RAB3C: variants seen among roughly 807,000 people sequenced by gnomAD.
RAB3C encodes ras-related protein Rab-3C.
A neutral mutation model predicts 26.4 loss-of-function variants in RAB3C; 17 were observed. The observed-to-expected ratio is 0.64, with a 90% confidence interval of 0.44 to 0.97. The LOEUF (loss-of-function observed/expected upper bound fraction) is 0.97, where lower values mean the gene tolerates loss of function less well. RAB3C is among the 50% of genes least tolerant of loss of function. The pLI is 0.00. For synonymous variants in RAB3C, 91 were observed against 95.9 expected, an observed-to-expected ratio of 0.95 and a Z score of 0.30; for missense variants, 242 against 281.9, an observed-to-expected ratio of 0.86 and a Z score of 1.01.
chr5:58,688,853 G>A (rs72760288), intron 2 of RAB3C, among the ~76,000 whole-genome samples: 11,046 of 152,162 alleles, frequency 0.073, 551 homozygotes, highest in Admixed American at 0.11. Flanking sequence ...CGTGATTTCT[G>A]TGAAGTCAAA....
In RAB3C at chr5:58,826,119, G is replaced by T. The variant is rs1004576779; in HGVS notation, c.496+957G>T. On this transcript the variant is annotated intron_variant, in intron 4 of 4. Coordinates refer to ENST00000282878, the MANE Select transcript of RAB3C (RefSeq NM_138453.4). ...AAGGGGAAAAACATTGCCGGAAGGA[G>T]ATGTAGGAGTGGAGTGTGATGGGAG... is the stretch of plus-strand genomic sequence containing the variant. Among the ~76,000 whole-genome samples the T allele has an allele frequency of 2.0e-5, 3 of 152,100 alleles. No individual in the cohort carries two copies. In the East Asian group the frequency reaches 5.8e-4, roughly 29 times the overall value.
At chr5:58,685,223 G>T (rs948099466) in intron 2 of RAB3C, among the ~76,000 whole-genome samples, 1 of 152,078 alleles carries the variant, frequency 6.6e-6, no homozygotes, top group Admixed American at 6.6e-5. Flanking sequence ...ATTTCCCTCA[G>T]ATAAGGGACA....
intron 3 of RAB3C, among the ~76,000 whole-genome samples, chr5:58,776,999 G>A (rs1215331423): frequency 2.0e-5 from 3 of 152,146 alleles, no homozygotes; most frequent in Admixed American, 1.3e-4. Context: ...AGAAAGAAAA[G>A]AAGAAATAAG....
intron 2 of RAB3C, among the ~76,000 whole-genome samples, chr5:58,695,849 A>G (rs906425680): frequency 2.6e-5 from 4 of 152,216 alleles, no homozygotes; most frequent in Non-Finnish European, 5.9e-5. Context: ...TTCTAAATAT[A>G]TAATCATGTC....
rs138383525 is a variant in RAB3C, at chr5:58,829,932, C to T, written c.496+4770C>T. ...CTGACAAATATCTATAATAATACTG[C>T]GGAGTCATAAAACGTGTATCTTCCC... On this transcript the variant is annotated intron_variant, in intron 4 of 4. Transcript: ENST00000282878. Among the ~76,000 whole-genome samples the T allele has an allele frequency of 4.4e-3, 668 of 152,164 alleles. 5 individuals are homozygous for T. The highest frequency in any genetic ancestry group is 0.015 in the African/African-American group (617 of 41,508).
chr5:58,614,481 A>C (rs1442808328), intron 1 of RAB3C, among the ~76,000 whole-genome samples: 5 of 111,852 alleles, frequency 4.5e-5, no homozygotes, highest in African/African-American at 1.2e-4. Context: ...GAAATAGTAC[A>C]AAAAAAAACC....
chr5:58,640,549 T>C (rs1012143792), intron 2 of RAB3C, among the ~76,000 whole-genome samples: 1 of 152,198 alleles, frequency 6.6e-6, no homozygotes, highest in Non-Finnish European at 1.5e-5. Context: ...TGAGCCAACA[T>C]ACTGTGAGGA....
intron 2 of RAB3C, among the ~76,000 whole-genome samples, chr5:58,619,277 T>C (rs1031925928): frequency 6.6e-6 from 1 of 152,184 alleles, no homozygotes. Flanking sequence ...GCCATTTTTA[T>C]TGGGAGTGTT....
At chr5:58,737,127 A>G (rs149603620) in intron 3 of RAB3C, among the ~76,000 whole-genome samples, 100 of 152,000 alleles carry the variant, frequency 6.6e-4, no homozygotes, top group African/African-American at 2.3e-3. Context: ...AAGTTTAGCC[A>G]CACCGGCTTC....
intron 1 of RAB3C, among the ~76,000 whole-genome samples, chr5:58,596,932 T>G (rs1746294515): frequency 1.0e-5 from 1 of 95,352 alleles, no homozygotes; most frequent in African/African-American, 4.4e-5. Context: ...ATATATTATA[T>G]ATAAATATAT....
At position 58,615,598 on chromosome 5, in the gene RAB3C, T is replaced by C. The variant is rs543413771; in HGVS notation, c.25-2045T>C. 3.4e-4 allele frequency among the ~76,000 whole-genome samples: 51 copies of C among 152,234 alleles called. No individual in the cohort carries two copies. The South Asian group carries it at 1.0e-2, about 30-fold the overall frequency. ...ACTTTTGCCCTTTGGCCGGCATGTG[T>C]TGGGGAAAGTTGACCTTAGTATGTG... On this transcript the variant is annotated intron_variant, in intron 1 of 4. Transcript: ENST00000282878.
chr5:58,807,376 G>A (rs1046860843), intron 3 of RAB3C, among the ~76,000 whole-genome samples: 8 of 152,184 alleles, frequency 5.3e-5, no homozygotes, highest in Non-Finnish European at 8.8e-5. Context: ...TATATGTTGT[G>A]AGCTCTGAGA....
intron 3 of RAB3C, among the ~76,000 whole-genome samples, chr5:58,813,269 A>G (rs1034587158): frequency 1.5e-4 from 23 of 152,134 alleles, no homozygotes; most frequent in Admixed American, 1.4e-3. Flanking sequence ...ATCATTATAT[A>G]TTTATGATTA....
intron 1 of RAB3C, among the ~76,000 whole-genome samples, chr5:58,602,127 G>T (rs1415442616): frequency 6.6e-6 from 1 of 152,010 alleles, no homozygotes; most frequent in East Asian, 1.9e-4. Context: ...TCAGGAGCAG[G>T]TCATTTAACT....
Position 58,855,805 on chromosome 5 carries a change from G to A in RAB3C, c.*4454G>A, listed in dbSNP as rs1465819255. The stretch of plus-strand genomic sequence containing the variant: ...ATAAAAAAGCCTTTACCCCTGCACA[G>A]CACTGTATCTAAAGGGCTCTAGGTT... On this transcript the variant is annotated 3_prime_UTR_variant, in exon 5 of 5. Coordinates refer to ENST00000282878, the MANE Select transcript of RAB3C (RefSeq NM_138453.4). The A allele has an allele frequency of 6.6e-6, 1 of 152,164 alleles. No homozygotes were observed. Among genetic ancestry groups the A allele is most frequent in the African/African-American group, 2.4e-5 (1 of 41,432 alleles). 9.4% of individuals were successfully genotyped at this position (152,164 alleles called of 1,614,324 possible).
intron 2 of RAB3C, among the ~76,000 whole-genome samples, chr5:58,656,812 G>A (rs1489730096): frequency 1.3e-5 from 2 of 152,154 alleles, no homozygotes; most frequent in Non-Finnish European, 1.5e-5. Context: ...CAACCACTAT[G>A]GAAAACAGTG....
chr5:58,657,848 CT>C (rs1747816406), intron 2 of RAB3C, among the ~76,000 whole-genome samples: 1 of 152,142 alleles, frequency 6.6e-6, no homozygotes, highest in African/African-American at 2.4e-5. Flanking sequence ...TATGCTTTTT[CT>C]TTAACTGCTA....
chr5:58,687,460 AAAC>A (rs780181230), intron 2 of RAB3C, among the ~76,000 whole-genome samples: 162 of 152,274 alleles, frequency 1.1e-3, no homozygotes, highest in Admixed American at 3.7e-3. Flanking sequence ...TGTGGACTAA[AAAC>A]AACAACAACA....
At chr5:58,651,013 T>A (rs1203240395) in intron 2 of RAB3C, among the ~76,000 whole-genome samples, 1 of 152,210 alleles carries the variant, frequency 6.6e-6, no homozygotes, top group Non-Finnish European at 1.5e-5. Flanking sequence ...TTTGGATCCA[T>A]AGGAGCTAGG....
Sources: gnomAD v4.1 joint callset for allele counts (sites outside exome capture counted in the v4.1 genomes callset) on GRCh38, gnomAD v4.1.1 for gene constraint, MANE v1.5 for transcripts, NCBI Gene and HGNC (gene_info 2026-07-23, HGNC 2026-07-21) for gene names.